The following ACYP2 variants were observed in gnomAD, a reference collection of about 807,000 sequenced individuals.
The protein encoded by ACYP2 is acylphosphatase 2.
A neutral mutation model predicts 11.2 loss-of-function variants in ACYP2; 12 were observed. That is an observed-to-expected ratio of 1.08 (90% confidence interval 0.69 to 1.74). The LOEUF is 1.74. Among genes scored for constraint, ACYP2 ranks in the 40% most tolerant of loss-of-function variants. The probability of loss-of-function intolerance (pLI) is 0.00; values close to 1 mark genes in which losing one functional copy is unlikely to be tolerated. For missense variants in ACYP2, 134 were observed against 101.9 expected, an observed-to-expected ratio of 1.31 and a Z score of -1.35; for synonymous variants, 43 against 32.2, an observed-to-expected ratio of 1.33 and a Z score of -1.13.
intron 6 of ACYP2, among the ~76,000 whole-genome samples, chr2:54,225,870 GGA>G (rs1201718479): frequency 6.6e-6 from 1 of 152,064 alleles, no homozygotes; most frequent in Non-Finnish European, 1.5e-5. Context: ...TGGAGTGAGG[GGA>G]GACATTCCAG....
chr2:54,171,131 C>T (rs1376051290), intron 6 of ACYP2, among the ~76,000 whole-genome samples: 1 of 152,096 alleles, frequency 6.6e-6, no homozygotes, highest in Admixed American at 6.6e-5. Flanking sequence ...CTTGTACATC[C>T]CCCTCCCCAT....
chr2:54,038,579 T>C (rs1337264971), intron 2 of ACYP2, among the ~76,000 whole-genome samples: 5 of 150,522 alleles, frequency 3.3e-5, no homozygotes, highest in African/African-American at 4.9e-5. Context: ...TGCAGAGTGT[T>C]CAGTAACTTT....
intron 2 of ACYP2, among the ~76,000 whole-genome samples, chr2:54,010,948 C>CTACTGTAATCCTACTA (rs1160325201): frequency 1.3e-4 from 19 of 151,738 alleles, no homozygotes; most frequent in Non-Finnish European, 2.6e-4. Context: ...GGATTACAGA[C>CTACTGTAATCCTACTA]CTGAACTACC....
intron 6 of ACYP2, among the ~76,000 whole-genome samples, chr2:54,274,042 C>G (rs1223357951): frequency 6.6e-6 from 1 of 152,178 alleles, no homozygotes; most frequent in Non-Finnish European, 1.5e-5. Flanking sequence ...TCTGTTTTCA[C>G]ACCGCTGATA....
At chr2:54,213,582 A>G (rs1276913343) in intron 6 of ACYP2, among the ~76,000 whole-genome samples, 2 of 152,142 alleles carry the variant, frequency 1.3e-5, no homozygotes, top group Non-Finnish European at 2.9e-5. Context: ...CCTCGCCAGC[A>G]TCTGTTATTT....
At chr2:54,110,426 G>T (rs1437633672) in intron 4 of ACYP2, among the ~76,000 whole-genome samples, 1 of 152,140 alleles carries the variant, frequency 6.6e-6, no homozygotes. Flanking sequence ...TACATTCAAA[G>T]TTCCCCAATG....
At chr2:53,987,685 C>A (rs6545376) in intron 2 of ACYP2, among the ~76,000 whole-genome samples, 84,961 of 152,066 alleles carry the variant, frequency 0.56, 24,196 homozygotes, top group East Asian at 0.71. Flanking sequence ...ATAAGCATGC[C>A]ATGATCTCAT....
intron 5 of ACYP2, among the ~76,000 whole-genome samples, chr2:54,135,944 C>A (rs566489291): frequency 5.9e-5 from 9 of 152,368 alleles, no homozygotes; most frequent in African/African-American, 2.2e-4. Flanking sequence ...GTTGCCCAGT[C>A]TGGAGTACAG....
intron 6 of ACYP2, among the ~76,000 whole-genome samples, chr2:54,302,204 C>T (rs1689752110): frequency 6.6e-6 from 1 of 152,216 alleles, no homozygotes; most frequent in Non-Finnish European, 1.5e-5. Context: ...TCAATTTCTC[C>T]CTTTTCATTC....
intron 6 of ACYP2, among the ~76,000 whole-genome samples, chr2:54,174,353 G>A (rs747926880): frequency 1.3e-3 from 200 of 152,172 alleles, no homozygotes; most frequent in Non-Finnish European, 2.7e-3. Flanking sequence ...AGGAATGCTT[G>A]TGATTTTTGC....
chr2:54,113,489 G>A (rs112611468), intron 4 of ACYP2, among the ~76,000 whole-genome samples: 2 of 151,956 alleles, frequency 1.3e-5, no homozygotes, highest in East Asian at 1.9e-4. Flanking sequence ...CAAGCTGTTC[G>A]CCAGCCTTGG....
At chr2:54,277,221 C>G (rs1054843039) in intron 6 of ACYP2, among the ~76,000 whole-genome samples, 4 of 152,158 alleles carry the variant, frequency 2.6e-5, no homozygotes, top group African/African-American at 9.7e-5. Context: ...GCAAGATGTA[C>G]AAAAATTCAG....
At chr2:54,190,973 C>T (rs1684214605) in intron 6 of ACYP2, among the ~76,000 whole-genome samples, 1 of 152,148 alleles carries the variant, frequency 6.6e-6, no homozygotes, top group South Asian at 2.1e-4. Context: ...TTGTTTCTTT[C>T]TCTTCCATCT....
intron 6 of ACYP2, among the ~76,000 whole-genome samples, chr2:54,177,881 C>T (rs368976376): frequency 1.4e-5 from 2 of 146,986 alleles, no homozygotes; most frequent in East Asian, 2.0e-4. Context: ...TGTCCGGCCT[C>T]CTGTTTCTTT....
intron 2 of ACYP2, among the ~76,000 whole-genome samples, chr2:53,997,825 A>G (rs535020875): frequency 6.6e-6 from 1 of 152,290 alleles, no homozygotes; most frequent in South Asian, 2.1e-4. Flanking sequence ...AATATAGGAA[A>G]ATACATTGGG....
At chr2:54,051,221 G>A (rs58694216) in intron 3 of ACYP2, 1 of 845,778 alleles carries the variant, frequency 1.2e-6, no homozygotes, top group South Asian at 1.4e-5. Flanking sequence ...GGGCAAAGGA[G>A]ATCCTAAGAA....
chr2:54,176,751 G>A (rs1683478169), intron 6 of ACYP2, among the ~76,000 whole-genome samples: 1 of 152,124 alleles, frequency 6.6e-6, no homozygotes, highest in Non-Finnish European at 1.5e-5. Flanking sequence ...GTTCTATCCA[G>A]GAATTGACCT....
At chr2:54,071,404 C>T (rs1572690754) in intron 4 of ACYP2, among the ~76,000 whole-genome samples, 1 of 152,016 alleles carries the variant, frequency 6.6e-6, no homozygotes, top group Admixed American at 6.6e-5. Context: ...TCTACAAAAA[C>T]TCTTAGAGCT....
At chr2:54,038,562 C>T (rs948888103) in intron 2 of ACYP2, among the ~76,000 whole-genome samples, 1 of 150,892 alleles carries the variant, frequency 6.6e-6, no homozygotes, top group Admixed American at 6.6e-5. Context: ...AGATGAGGAA[C>T]CTGAAGTGCA....
Sources: allele counts gnomAD v4.1 joint callset (sites outside exome capture counted in the v4.1 genomes callset), GRCh38; gene constraint gnomAD v4.1.1; transcripts MANE v1.5; gene names NCBI Gene and HGNC (gene_info 2026-07-23, HGNC 2026-07-21).